The following DLG2 variants were observed in gnomAD, a reference collection of about 807,000 sequenced individuals.
DLG2 encodes the protein discs large MAGUK scaffold protein 2.
DLG2 carries 45 observed loss-of-function variants against 132.5 expected under a neutral mutation model. The observed-to-expected ratio is 0.34, with a 90% confidence interval of 0.27 to 0.44. DLG2 has a LOEUF of 0.44. DLG2 is among the 20% of genes least tolerant of loss of function. The probability of loss-of-function intolerance (pLI) is 1.00; values close to 1 mark genes in which losing one functional copy is unlikely to be tolerated. For missense variants in DLG2, 1,045 were observed against 1,196.9 expected (o/e 0.87, Z 1.87); for synonymous variants, 424 against 419.6 (o/e 1.01, Z -0.13).
chr11:84,701,166 A>T (rs1157153394), intron 6 of DLG2, among the ~76,000 whole-genome samples: 1 of 151,476 alleles, frequency 6.6e-6, no homozygotes, highest in Non-Finnish European at 1.5e-5. Flanking sequence ...ACCTGTTCCC[A>T]AGCCATTTCT....
intron 8 of DLG2, among the ~76,000 whole-genome samples, chr11:84,223,702 G>A (rs1302440208): frequency 2.0e-5 from 3 of 151,928 alleles, no homozygotes; most frequent in Admixed American, 6.6e-5. Flanking sequence ...GACTACAGGC[G>A]CATGTCACCA....
At chr11:85,517,375 A>G (rs1421231973) in intron 3 of DLG2, among the ~76,000 whole-genome samples, 3 of 152,176 alleles carry the variant, frequency 2.0e-5, no homozygotes, top group Admixed American at 1.3e-4. Context: ...CTGAAACAAG[A>G]CAATGACTCC....
chr11:83,844,565 A>G (rs2058264615), intron 16 of DLG2, among the ~76,000 whole-genome samples: 2 of 151,494 alleles, frequency 1.3e-5, no homozygotes, highest in South Asian at 2.1e-4. Context: ...AAAAAAAAAA[A>G]AAAAAGGGCC....
At chr11:83,786,019 G>A (rs2095042895) in intron 18 of DLG2, among the ~76,000 whole-genome samples, 1 of 152,092 alleles carries the variant, frequency 6.6e-6, no homozygotes, top group African/African-American at 2.4e-5. Flanking sequence ...AATTTTCTAA[G>A]AAATCAACCA....
rs574119257 is a variant in DLG2 at position 85,053,632 on chromosome 11, C to CAAAAA, written c.357+58024_357+58028dup. The stretch of plus-strand genomic sequence containing the variant: ...TGAAACCCCATCTCTACTAAAAATA[C>CAAAAA]AAAAAAAAAAAAAAAAAAAATTAGC... On this transcript the variant is annotated intron_variant, in intron 6 of 27. Coordinates refer to ENST00000376104, the MANE Select transcript of DLG2 (RefSeq NM_001142699.3). Among the ~76,000 whole-genome samples, 400 of 91,116 alleles carry CAAAAA rather than the reference C, an allele frequency of 4.4e-3. 10 individuals carry two copies. The East Asian group carries it at 0.078, about 18-fold the overall frequency. 59.8% of individuals were successfully genotyped at this position (91,116 alleles called of 152,430 possible).
intron 8 of DLG2, 142 bp downstream of exon 8, chr11:84,251,096 A>T: frequency 1.9e-6 from 1 of 521,992 alleles, no homozygotes. Flanking sequence ...TTTAGAAATT[A>T]TTAAAAGAAA....
chr11:84,357,001 A>G (rs2098617692), intron 7 of DLG2, among the ~76,000 whole-genome samples: 1 of 152,046 alleles, frequency 6.6e-6, no homozygotes, highest in South Asian at 2.1e-4. Context: ...AGAGAGTTGC[A>G]CGATGAGAAA....
At chr11:84,546,632 G>T (rs958711010) in intron 6 of DLG2, 23 of 526,040 alleles carry the variant, frequency 4.4e-5, no homozygotes, top group Non-Finnish European at 8.1e-5. Context: ...TGGCATTTAG[G>T]GCTGCATCCA....
chr11:85,438,988 AAG>A (rs1264883561), intron 3 of DLG2, among the ~76,000 whole-genome samples: 1 of 152,194 alleles, frequency 6.6e-6, no homozygotes. Context: ...TAATTCCCTG[AAG>A]AGTCATCCAA....
intron 6 of DLG2, chr11:84,639,952 C>G (rs1277709457): frequency 1.5e-5 from 3 of 197,076 alleles, no homozygotes; most frequent in Admixed American, 6.2e-5. Context: ...TATTTCAATT[C>G]TAAAATTTTT....
intron 21 of DLG2, among the ~76,000 whole-genome samples, chr11:83,504,202 T>C (rs1302646778): frequency 4.6e-5 from 7 of 152,244 alleles, no homozygotes; most frequent in Non-Finnish European, 1.0e-4. Context: ...ATAGCTGGTA[T>C]TGATGACTTC....
intron 7 of DLG2, among the ~76,000 whole-genome samples, chr11:84,394,673 G>A (rs1215552493): frequency 6.9e-6 from 1 of 144,556 alleles, no homozygotes; most frequent in African/African-American, 2.8e-5. Context: ...CTGTCACCCA[G>A]GCTGGAGTGC....
intron 4 of DLG2, among the ~76,000 whole-genome samples, chr11:85,238,315 C>T (rs1040275679): frequency 7.9e-5 from 12 of 151,100 alleles, no homozygotes; most frequent in Non-Finnish European, 1.8e-4. Context: ...ACTATCTTGG[C>T]TCACTGCAAC....
chr11:85,048,201 T>C (rs950332630), intron 6 of DLG2, among the ~76,000 whole-genome samples: 1 of 151,954 alleles, frequency 6.6e-6, no homozygotes, highest in Non-Finnish European at 1.5e-5. Context: ...AATGACTAGA[T>C]TTCAAGATTA....
intron 6 of DLG2, among the ~76,000 whole-genome samples, chr11:84,979,786 C>A (rs2055471390): frequency 6.6e-6 from 1 of 151,848 alleles, no homozygotes; most frequent in Admixed American, 6.6e-5. Context: ...GCACATGTAC[C>A]CTAGAACTTA....
chr11:85,169,616 T>TG (rs1478206421), intron 4 of DLG2, among the ~76,000 whole-genome samples: 1 of 152,198 alleles, frequency 6.6e-6, no homozygotes, highest in Non-Finnish European at 1.5e-5. Flanking sequence ...TTGCTGTGTT[T>TG]GGAAACTGAA....
intron 6 of DLG2, among the ~76,000 whole-genome samples, chr11:84,555,629 G>A (rs1298868536): frequency 6.6e-6 from 1 of 152,198 alleles, no homozygotes; most frequent in Non-Finnish European, 1.5e-5. Flanking sequence ...CACAGAAACA[G>A]AAAGTAAAAT....
At chr11:84,404,668 C>A (rs550835353) in intron 7 of DLG2, among the ~76,000 whole-genome samples, 1 of 152,124 alleles carries the variant, frequency 6.6e-6, no homozygotes, top group East Asian at 1.9e-4. Flanking sequence ...ATCTTTCTCA[C>A]CATGCTGTAA....
chr11:83,729,560 T>C (rs945913672), intron 18 of DLG2, among the ~76,000 whole-genome samples: 1 of 152,192 alleles, frequency 6.6e-6, no homozygotes, highest in African/African-American at 2.4e-5. Flanking sequence ...CAAAATGGAC[T>C]ATAAATCACA....
Sources: gnomAD v4.1 joint callset for allele counts (sites outside exome capture counted in the v4.1 genomes callset) on GRCh38, gnomAD v4.1.1 for gene constraint, MANE v1.5 for transcripts, NCBI Gene and HGNC (gene_info 2026-07-23, HGNC 2026-07-21) for gene names.